Variants in NME1 observed in about 807,000 individuals in gnomAD.
NME1 encodes the protein NME/NM23 nucleoside diphosphate kinase 1.
Under a neutral mutation model 17.2 loss-of-function variants are expected in NME1, and 9 were observed. That is an observed-to-expected ratio of 0.52 (90% CI 0.32 to 0.92). The LOEUF is 0.92. Ranked by LOEUF, NME1 falls within the 40% of genes least tolerant of loss-of-function variation. NME1 has a pLI of 0.04. For synonymous variants in NME1, 72 were observed against 70.8 expected (o/e 1.02, Z -0.09); for missense variants, 169 against 201.7 (o/e 0.84, Z 0.98).
At chr17:51,159,729 G>T (rs534916818) in intron 2 of NME1, among the ~76,000 whole-genome samples, 63 of 152,116 alleles carry the variant, frequency 4.1e-4, no homozygotes, top group Non-Finnish European at 8.8e-4. Context: ...GAGATAGCTG[G>T]ATTTAATTTT....
chr17:51,156,240 T>G (rs933143358), intron 2 of NME1: 15 of 220,734 alleles, frequency 6.8e-5, no homozygotes, highest in Admixed American at 5.8e-4. Flanking sequence ...TAGGAGCTGG[T>G]GGAGGAAAAC....
rs142211716 is a variant in NME1 at position 51,159,899 on chromosome 17, G to C, written c.127-81G>C. The C allele has an allele frequency of 9.7e-4, 1,486 of 1,527,256 alleles. 10 individuals are homozygous for C. The African/African-American group carries it at 0.017, about 18-fold the overall frequency. The allele number at this position is 1,527,256 out of a possible 1,614,324, so 94.6% of individuals were successfully genotyped here. ...CCAACCGCTCATGTTTTACATAGCA[G>C]GGTGGATGAGGGGAAATTAAATGGA... On this transcript the variant is annotated intron_variant, in intron 2 of 4. Coordinates refer to ENST00000393196, the MANE Select transcript of NME1 (RefSeq NM_000269.3).
intron 4 of NME1, 51 bp from the exon 5 acceptor site, chr17:51,161,677 C>A: frequency 7.5e-7 from 1 of 1,331,900 alleles, no homozygotes; most frequent in Non-Finnish European, 1.1e-6. Flanking sequence ...GCAATGGGCG[C>A]ATTTTAATCC....
At chr17:51,155,563 C>A (rs747862485) in intron 1 of NME1, 88 bp from the exon 2 acceptor site, 8 of 1,578,278 alleles carry the variant, frequency 5.1e-6, no homozygotes, top group Non-Finnish European at 6.9e-6. Flanking sequence ...AGATTTAAAC[C>A]AGCTTTATGG....
chr17:51,158,006 G>T lies in NME1; in HGVS notation c.127-1974G>T, dbSNP rs151337559. The stretch of plus-strand genomic sequence containing the variant: ...TAAAGATAATCAGTTAGGGCCTGGC[G>T]TGGTGGCTCACACCTGTAATCCCAG... On this transcript the variant is annotated intron_variant, in intron 2 of 4. Coordinates refer to ENST00000393196, the MANE Select transcript of NME1 (RefSeq NM_000269.3). Among the ~76,000 whole-genome samples, 535 of 152,254 alleles carry T rather than the reference G, an allele frequency of 3.5e-3. 3 individuals are homozygous for T. Among genetic ancestry groups the T allele is most frequent in the African/African-American group, 0.012 (511 of 41,556 alleles).
intron 2 of NME1, 76 bp downstream of exon 2, chr17:51,155,856 GTCTT>G: frequency 2.5e-6 from 4 of 1,596,700 alleles, no homozygotes; most frequent in South Asian, 1.1e-5. Flanking sequence ...GTTTCTCCCC[GTCTT>G]TCTTATTTAA....
intron 1 of NME1, among the ~76,000 whole-genome samples, chr17:51,155,226 A>G (rs1030336408): frequency 7.0e-6 from 1 of 142,642 alleles, no homozygotes; most frequent in Admixed American, 7.2e-5. Context: ...TGGGCGAAAG[A>G]GCAAGACTCC....
intron 2 of NME1, among the ~76,000 whole-genome samples, chr17:51,157,949 C>G (rs2049810557): frequency 6.6e-6 from 1 of 152,094 alleles, no homozygotes; most frequent in Non-Finnish European, 1.5e-5. Flanking sequence ...CCCCCAAGCC[C>G]TTAAAAAAAG....
At position 51,158,441 on chromosome 17, in the gene NME1, A is replaced by G. The variant is rs183418370; in HGVS notation, c.127-1539A>G. On this transcript the variant is annotated intron_variant, in intron 2 of 4. Coordinates refer to ENST00000393196, the MANE Select transcript of NME1 (RefSeq NM_000269.3). ...GGTGACAGAAAGACCCTGTCTCAAA[A>G]CAAACAACAAAACCAACAAAAAGAT... Among the ~76,000 whole-genome samples the G allele has an allele frequency of 5.0e-3, 768 of 152,318 alleles. 6 individuals are homozygous for G. Among genetic ancestry groups the G allele is most frequent in the African/African-American group, 0.017 (725 of 41,562 alleles).
chr17:51,157,218 A>G, intron 2 of NME1, among the ~76,000 whole-genome samples: 1 of 152,064 alleles, frequency 6.6e-6, no homozygotes, highest in East Asian at 1.9e-4. Flanking sequence ...AAAAAAAAAG[A>G]AAAAAAAGAA....
chr17:51,160,496 A>C (rs1022324888), intron 3 of NME1: 2 of 362,258 alleles, frequency 5.5e-6, no homozygotes, highest in Non-Finnish European at 5.4e-6. Context: ...GTGGGAGGGA[A>C]GTTGGGAGGT....
chr17:51,161,847 A>G lies in NME1; in HGVS notation c.*2A>G, dbSNP rs1445512176. 1 of 1,585,240 alleles carries G rather than the reference A, an allele frequency of 6.3e-7. No homozygotes were observed. Among genetic ancestry groups the G allele is most frequent in the Admixed American group, 1.7e-5 (1 of 59,968 alleles). The stretch of plus-strand genomic sequence containing the variant: ...GCTCAGAACTGGATCTATGAATGAC[A>G]GGAGGGCAGACCACATTGCTTTTCA... On this transcript the variant is annotated 3_prime_UTR_variant, in exon 5 of 5. Coordinates refer to ENST00000393196, the MANE Select transcript of NME1 (RefSeq NM_000269.3).
intron 2 of NME1, among the ~76,000 whole-genome samples, chr17:51,157,932 T>C (rs2049810182): frequency 6.6e-6 from 1 of 152,068 alleles, no homozygotes. Flanking sequence ...GAACTTGAGG[T>C]TCCCAACCCC....
Position 51,161,971 on chromosome 17 carries a change from C to A in NME1, c.*126C>A. 1 of 726,950 alleles carries A rather than the reference C, an allele frequency of 1.4e-6. No homozygotes were observed. The highest frequency in any genetic ancestry group is 2.5e-6 in the Non-Finnish European group (1 of 403,754). 45.0% of individuals were successfully genotyped at this position (726,950 alleles called of 1,614,324 possible). A position where few individuals can be genotyped will look rare whatever the true frequency, so the allele number is the denominator to read the frequency against. On this transcript the variant is annotated 3_prime_UTR_variant, in exon 5 of 5. Coordinates refer to ENST00000393196, the MANE Select transcript of NME1 (RefSeq NM_000269.3). ...ATAATTTGGAGGGAAGCTCTTGGAGCTGTGAGTTCTCCCTGTACAGTGTTA... is the reference window on the plus strand; with the variant it reads ...ATAATTTGGAGGGAAGCTCTTGGAGATGTGAGTTCTCCCTGTACAGTGTTA...
chr17:51,160,400 A>G (rs2144868073), intron 3 of NME1: 1 of 411,332 alleles, frequency 2.4e-6, no homozygotes, highest in East Asian at 5.7e-5. Context: ...CAGCCAAGCA[A>G]ACAGCATGTG....
At chr17:51,158,122 A>G (rs1481134792) in intron 2 of NME1, among the ~76,000 whole-genome samples, 1 of 152,218 alleles carries the variant, frequency 6.6e-6, no homozygotes, top group Non-Finnish European at 1.5e-5. Context: ...TCTACTAAAA[A>G]TACAAAATTT....
rs757103089 is a variant in NME1, at chr17:51,155,650, G to C, written c.-4-1G>C. ...TCATTCCTCTACCTGCCTATCCCCA[G>C]AACCATGGCCAACTGTGAGCGTACC... is the stretch of plus-strand genomic sequence containing the variant. On this transcript the variant is annotated splice_acceptor_variant, in intron 1 of 4. Transcript: ENST00000393196. LOFTEE classifies it low-confidence loss of function (5UTR_SPLICE). The C allele has an allele frequency of 6.2e-7, 1 of 1,613,770 alleles. No homozygotes were observed. Among genetic ancestry groups the C allele is most frequent in the Non-Finnish European group, 8.5e-7 (1 of 1,179,822 alleles).
intron 1 of NME1, among the ~76,000 whole-genome samples, chr17:51,155,353 A>T (rs2049770496): frequency 6.6e-6 from 1 of 152,226 alleles, no homozygotes; most frequent in Non-Finnish European, 1.5e-5. Context: ...GTTCGAGACC[A>T]GCGTGGGCAA....
At position 51,155,692 on chromosome 17, in the gene NME1, C is replaced by T; in HGVS notation, c.38C>T (p.Pro13Leu). 1 of 1,614,120 alleles carries T rather than the reference C, an allele frequency of 6.2e-7. No homozygotes were observed. Among genetic ancestry groups the T allele is most frequent in the Non-Finnish European group, 8.5e-7 (1 of 1,179,986 alleles). ...GAGCGTACCTTCATTGCGATCAAAC[C>T]AGATGGGGTCCAGCGGGGTCTTGTG... The part of the protein sequence containing the change: ...NCERTFIAIK[P>L]DGVQRGLVGE... Residue 13 changes from proline to leucine, a missense_variant, in exon 2 of 5, where the codon CCA becomes CTA. By Grantham distance (98) the Pro-to-Leu change is moderately conservative (BLOSUM62 -3). Transcript: ENST00000393196.
Sources: allele counts gnomAD v4.1 joint callset (sites outside exome capture counted in the v4.1 genomes callset), GRCh38; gene constraint gnomAD v4.1.1; transcripts MANE v1.5; gene names NCBI Gene and HGNC (gene_info 2026-07-23, HGNC 2026-07-21).